The following ATP6V1B2 variants were observed in gnomAD, a reference collection of about 807,000 sequenced individuals.
The protein encoded by ATP6V1B2 is ATPase H+ transporting V1 subunit B2, also known as V-type proton ATPase subunit B, brain isoform.
In ATP6V1B2, 23 loss-of-function variants were observed where a neutral mutation model predicts 66.7. That is an observed-to-expected ratio of 0.34 (90% CI 0.25 to 0.49). ATP6V1B2 has a LOEUF of 0.49. ATP6V1B2 is among the 20% of genes least tolerant of loss of function. ATP6V1B2 has a pLI of 0.99. For missense variants in ATP6V1B2, 478 were observed against 650.8 expected (o/e 0.73, Z 2.89); for synonymous variants, 278 against 236.7 (o/e 1.17, Z -1.60).
At chr8:20,202,000 C>CATGA (rs1425532700) in intron 1 of ATP6V1B2, among the ~76,000 whole-genome samples, 1 of 152,118 alleles carries the variant, frequency 6.6e-6, no homozygotes, top group Admixed American at 6.5e-5. Flanking sequence ...TTCATTAACC[C>CATGA]ATGAATGGAT....
At chr8:20,198,745 A>G (rs1430904067) in intron 1 of ATP6V1B2, among the ~76,000 whole-genome samples, 1 of 152,208 alleles carries the variant, frequency 6.6e-6, no homozygotes, top group Non-Finnish European at 1.5e-5. Context: ...TCACTGGGTC[A>G]TGTGATAGCA....
At position 20,214,886 on chromosome 8, in the gene ATP6V1B2, C is replaced by T. The variant is rs879730799; in HGVS notation, c.996C>T (p.Ala332=). The T allele has an allele frequency of 6.2e-6, 10 of 1,613,424 alleles. No homozygotes were observed. Among genetic ancestry groups the T allele is most frequent in the Admixed American group, 3.3e-5 (2 of 59,944 alleles). Reference sequence around the variant, plus strand: ...CAGGTTACATGTATACAGATTTAGCCACGATATATGAACGCGCTGGGCGAG... The same window carrying T: ...CAGGTTACATGTATACAGATTTAGCTACGATATATGAACGCGCTGGGCGAG... The part of the protein sequence containing the change: ...GFPGYMYTDL[A]TIYERAGRVE... Residue 332 remains alanine, a synonymous_variant, in exon 10 of 14, where the codon GCC becomes GCT. Coordinates refer to ENST00000276390, the MANE Select transcript of ATP6V1B2 (RefSeq NM_001693.4).
At chr8:20,218,521 T>A (rs2072876867) in intron 13 of ATP6V1B2, among the ~76,000 whole-genome samples, 1 of 152,112 alleles carries the variant, frequency 6.6e-6, no homozygotes, top group African/African-American at 2.4e-5. Flanking sequence ...CCTTCTTCCA[T>A]CGCCCTTCTG....
intron 2 of ATP6V1B2, among the ~76,000 whole-genome samples, chr8:20,205,317 G>A (rs576252255): frequency 1.3e-5 from 2 of 152,262 alleles, no homozygotes; most frequent in South Asian, 2.1e-4. Context: ...GCTCAATTGT[G>A]TTAAGTGCTG....
In ATP6V1B2 at chr8:20,211,831, T is replaced by C. The variant is rs553807546; in HGVS notation, c.705+78T>C. 9.5e-5 allele frequency: 111 copies of C among 1,171,470 alleles called. No individual in the cohort carries two copies. The East Asian group carries it at 2.6e-3, about 27-fold the overall frequency. The allele number at this position is 1,171,470 out of a possible 1,614,324, so 72.6% of individuals were successfully genotyped here. On this transcript the variant is annotated intron_variant, in intron 7 of 13. Coordinates refer to ENST00000276390, the MANE Select transcript of ATP6V1B2 (RefSeq NM_001693.4). Reference sequence around the variant, plus strand: ...AGAACATTGTAGTAAGCTGTACATATATAGTTGAATTTTTCTTTAGGTAAA... The same window carrying C: ...AGAACATTGTAGTAAGCTGTACATACATAGTTGAATTTTTCTTTAGGTAAA...
Position 20,209,463 on chromosome 8 carries a change from A to G in ATP6V1B2, c.223A>G (p.Thr75Ala). Residue 75 changes from threonine (T) to alanine (A), a missense_variant, in exon 3 of 14, where the codon ACC (threonine) becomes GCC (alanine). Around this residue, in one of 2 missense-constraint regions of ATP6V1B2, gnomAD observed 152 missense variants for 105.2 expected, o/e 1.44. Transcript: ENST00000276390. ...FPRYAEIVHL[T>A]LPDGTKRSGQ... Reference sequence around the variant, plus strand: ...CAGGTATGCTGAAATTGTCCATTTGACCTTACCGGATGGCACAAAGAGAAG... The same window carrying G: ...CAGGTATGCTGAAATTGTCCATTTGGCCTTACCGGATGGCACAAAGAGAAG... 1 of 1,613,860 alleles carries G rather than the reference A, an allele frequency of 6.2e-7. No individual in the cohort carries two copies. Among genetic ancestry groups the G allele is most frequent in the Non-Finnish European group, 8.5e-7 (1 of 1,179,934 alleles).
chr8:20,209,326 G>C (rs891480785), intron 2 of ATP6V1B2, 107 bp from the exon 3 acceptor site: 26 of 1,116,572 alleles, frequency 2.3e-5, no homozygotes, highest in Non-Finnish European at 3.2e-5. Context: ...TCTGTGAAGA[G>C]TAGAGGGTTC....
intron 5 of ATP6V1B2, 73 bp downstream of exon 5, chr8:20,210,719 A>G: frequency 1.5e-6 from 2 of 1,379,212 alleles, no homozygotes; most frequent in Admixed American, 1.7e-5. Context: ...TGCCAGATAG[A>G]GAGTGTTTTT....
chr8:20,200,934 T>C (rs1161233452), intron 1 of ATP6V1B2, among the ~76,000 whole-genome samples: 3 of 152,240 alleles, frequency 2.0e-5, no homozygotes, highest in Non-Finnish European at 1.5e-5. Flanking sequence ...AGGACACTTA[T>C]TATGCAATGG....
At chr8:20,208,455 T>G (rs1338730150) in intron 2 of ATP6V1B2, among the ~76,000 whole-genome samples, 1 of 152,202 alleles carries the variant, frequency 6.6e-6, no homozygotes. Flanking sequence ...TGATGCATCT[T>G]TCAATAAATT....
chr8:20,198,926 T>C (rs1288041062), intron 1 of ATP6V1B2, among the ~76,000 whole-genome samples: 1 of 152,210 alleles, frequency 6.6e-6, no homozygotes, highest in Non-Finnish European at 1.5e-5. Context: ...ACCTTGGCAA[T>C]AAATTTATAC....
Position 20,214,805 on chromosome 8 carries a change from G to C in ATP6V1B2, c.928-13G>C. ...TATCGTGCATGATACTCTTCTGCTTGACCTGCTGTCAGGTTTCAGCAGCCA... is the reference window on the plus strand; with the variant it reads ...TATCGTGCATGATACTCTTCTGCTTCACCTGCTGTCAGGTTTCAGCAGCCA... On this transcript the variant is annotated splice_polypyrimidine_tract_variant and intron_variant, in intron 9 of 13. Coordinates refer to ENST00000276390, the MANE Select transcript of ATP6V1B2 (RefSeq NM_001693.4). 1.2e-6 allele frequency: 2 copies of C among 1,607,180 alleles called. No individual in the cohort carries two copies. The highest frequency in any genetic ancestry group is 1.7e-6 in the Non-Finnish European group (2 of 1,176,456).
intron 1 of ATP6V1B2, among the ~76,000 whole-genome samples, chr8:20,200,671 G>A (rs1203322079): frequency 1.3e-5 from 2 of 152,108 alleles, no homozygotes; most frequent in Non-Finnish European, 2.9e-5. Context: ...TAGAGCTTTC[G>A]GGTGCTATGT....
intron 2 of ATP6V1B2, among the ~76,000 whole-genome samples, chr8:20,206,811 CAG>C (rs1413938816): frequency 6.6e-6 from 1 of 152,116 alleles, no homozygotes; most frequent in African/African-American, 2.4e-5. Context: ...GTCAGGAAGT[CAG>C]GGGATGGGGC....
At position 20,197,524 on chromosome 8, in the gene ATP6V1B2, C is replaced by T; in HGVS notation, c.118C>T (p.Leu40Phe). Residue 40 changes from leucine to phenylalanine, a missense_variant, in exon 1 of 14, where the codon CTC (leucine) becomes TTC (phenylalanine). Transcript: ENST00000276390. ...GGCGCTGGCAGTCAGTCGGAACTAC[C>T]TCTCCCAGCCTCGCCTCAGTGAGTA... is the stretch of plus-strand genomic sequence containing the variant. ...EQALAVSRNY[L>F]SQPRLTYKTV... 6.9e-7 allele frequency: 1 copy of T among 1,448,536 alleles called. No individual in the cohort carries two copies. The highest frequency in any genetic ancestry group is 9.1e-7 in the Non-Finnish European group (1 of 1,095,014). 89.7% of individuals were successfully genotyped at this position (1,448,536 alleles called of 1,614,324 possible). A position where few individuals can be genotyped will look rare whatever the true frequency, so the allele number is the denominator to read the frequency against.
intron 1 of ATP6V1B2, among the ~76,000 whole-genome samples, chr8:20,198,640 G>T (rs971245139): frequency 3.9e-5 from 6 of 152,188 alleles, no homozygotes; most frequent in Non-Finnish European, 8.8e-5. Context: ...TTGCCAGAGT[G>T]TCTGTCTCTA....
intron 10 of ATP6V1B2, 40 bp from the exon 11 acceptor site, chr8:20,216,372 TA>T (rs1387385216): frequency 1.9e-6 from 3 of 1,568,344 alleles, no homozygotes; most frequent in Non-Finnish European, 2.6e-6. Context: ...ACTCATAACC[TA>T]AAGATGCCAT....
chr8:20,217,961 A>G (rs1253043202), intron 12 of ATP6V1B2, among the ~76,000 whole-genome samples, 192 bp from the exon 13 acceptor site: 1 of 152,202 alleles, frequency 6.6e-6, no homozygotes, highest in Non-Finnish European at 1.5e-5. Context: ...TGTGTATTGT[A>G]TGCCTGAAGA....
In ATP6V1B2 at chr8:20,212,097, T is replaced by C. The variant is rs779877448; in HGVS notation, c.706-5T>C. Reference sequence around the variant, plus strand: ...CCCAGCACTGATGAAGTTATTGTTATTTAGGTAAACATGGAAACTGCCCGG... The same window carrying C: ...CCCAGCACTGATGAAGTTATTGTTACTTAGGTAAACATGGAAACTGCCCGG... On this transcript the variant is annotated splice_region_variant and splice_polypyrimidine_tract_variant and intron_variant, in intron 7 of 13. Transcript: ENST00000276390. The C allele has an allele frequency of 6.2e-7, 1 of 1,612,240 alleles. No individual in the cohort carries two copies. The highest frequency in any genetic ancestry group is 1.1e-5 in the South Asian group (1 of 91,022).
Sources: allele counts gnomAD v4.1 joint callset (sites outside exome capture counted in the v4.1 genomes callset), GRCh38; gene constraint gnomAD v4.1.1; regional missense constraint gnomAD v4.1.1; transcripts MANE v1.5; gene names NCBI Gene and HGNC (gene_info 2026-07-23, HGNC 2026-07-21).